The following THSD4 variants were observed in gnomAD, a reference collection of about 807,000 sequenced individuals.
THSD4 encodes thrombospondin type-1 domain-containing protein 4.
Under a neutral mutation model 119.0 loss-of-function variants are expected in THSD4, and 69 were observed. The ratio of observed to expected loss-of-function variants is 0.58; its 90% CI spans 0.48 to 0.71. THSD4 has a LOEUF of 0.71. Ranked by LOEUF, THSD4 falls within the 30% of genes least tolerant of loss-of-function variation. THSD4 has a pLI of 0.00. For synonymous variants in THSD4, 524 were observed against 540.4 expected (o/e 0.97, Z 0.42); for missense variants, 1,393 against 1,391.1 (o/e 1.00, Z -0.02).
intron 7 of THSD4, among the ~76,000 whole-genome samples, chr15:71,538,111 A>C (rs2048710814): frequency 6.6e-6 from 1 of 152,154 alleles, no homozygotes; most frequent in African/African-American, 2.4e-5. Flanking sequence ...GAATTTTAAA[A>C]TATATATACA....
intron 8 of THSD4, among the ~76,000 whole-genome samples, chr15:71,673,646 T>G (rs1320964133): frequency 6.6e-6 from 1 of 152,270 alleles, no homozygotes; most frequent in African/African-American, 2.4e-5. Flanking sequence ...AATTTCCTTC[T>G]GCACACTGCT....
At position 71,783,121 on chromosome 15, in the gene THSD4, T is replaced by C. The variant is rs1219620905; in HGVS notation, c.*5747T>C. On this transcript the variant is annotated 3_prime_UTR_variant, in exon 18 of 18. Transcript: ENST00000261862. ...AATACTCCGTCACCTCCATGTCCCC[T>C]CTACAGTGTTAAATTATTACATAAG... 2 of 152,248 alleles carry C rather than the reference T, an allele frequency of 1.3e-5. No homozygotes were observed. Among genetic ancestry groups the C allele is most frequent in the Non-Finnish European group, 2.9e-5 (2 of 68,050 alleles). The allele number at this position is 152,248 out of a possible 1,614,324, so 9.4% of individuals were successfully genotyped here.
At chr15:71,308,593 C>T (rs2045066862) in intron 6 of THSD4, among the ~76,000 whole-genome samples, 1 of 152,132 alleles carries the variant, frequency 6.6e-6, no homozygotes, top group Non-Finnish European at 1.5e-5. Flanking sequence ...TCAGTTCTTC[C>T]TTCATTTTAA....
chr15:71,272,712 A>G (rs1346759868), intron 6 of THSD4, among the ~76,000 whole-genome samples: 4 of 151,936 alleles, frequency 2.6e-5, no homozygotes, highest in African/African-American at 9.7e-5. Flanking sequence ...AACACACAAA[A>G]AATTAGCCAG....
chr15:71,570,705 C>T (rs941964421), intron 7 of THSD4, among the ~76,000 whole-genome samples: 1 of 152,176 alleles, frequency 6.6e-6, no homozygotes, highest in Admixed American at 6.5e-5. Flanking sequence ...TGAGTTTGTT[C>T]AGGTGAGTTG....
intron 1 of THSD4, among the ~76,000 whole-genome samples, chr15:71,129,033 A>G (rs749793454): frequency 2.6e-4 from 39 of 152,170 alleles, no homozygotes; most frequent in African/African-American, 9.2e-4. Context: ...CAAAGGAAGA[A>G]TTGAGAGTTG....
intron 11 of THSD4, chr15:71,738,248 A>G (rs2053164151): frequency 1.9e-6 from 1 of 526,048 alleles, no homozygotes; most frequent in Non-Finnish European, 3.4e-6. Context: ...TTGCCTGCAC[A>G]GTTCACAATA....
At chr15:71,598,679 G>A (rs1206057092) in intron 7 of THSD4, among the ~76,000 whole-genome samples, 2 of 151,978 alleles carry the variant, frequency 1.3e-5, no homozygotes, top group East Asian at 3.9e-4. Flanking sequence ...TGTGTAGTGC[G>A]AGATCATAGC....
chr15:71,246,886 CTTTTTTTT>C (rs67700872), intron 5 of THSD4, among the ~76,000 whole-genome samples: 4 of 114,512 alleles, frequency 3.5e-5, no homozygotes, highest in Admixed American at 8.8e-5. Context: ...GGTCCAAAGT[CTTTTTTTT>C]TTTTTTTTTT....
chr15:71,675,601 G>A lies in THSD4; in HGVS notation c.1357+14867G>A, dbSNP rs144141201. Among the ~76,000 whole-genome samples, 679 of 152,212 alleles carry A rather than the reference G, an allele frequency of 4.5e-3. 3 individuals are homozygous for A. Among genetic ancestry groups the A allele is most frequent in the African/African-American group, 0.015 (639 of 41,522 alleles). ...TAGCCCCTCTTGATCATGAGACCTC[G>A]CTCGTGGTACTGGAGTCATATTACT... On this transcript the variant is annotated intron_variant, in intron 8 of 17. Coordinates refer to ENST00000261862, the MANE Select transcript of THSD4 (RefSeq NM_024817.3).
At chr15:71,617,653 C>T (rs1314237906) in intron 7 of THSD4, among the ~76,000 whole-genome samples, 3 of 152,176 alleles carry the variant, frequency 2.0e-5, no homozygotes, top group African/African-American at 7.2e-5. Context: ...CAAAGCTGGT[C>T]TTAAAAATAC....
chr15:71,372,728 A>T (rs918430716), intron 6 of THSD4, among the ~76,000 whole-genome samples: 5 of 152,174 alleles, frequency 3.3e-5, no homozygotes. Context: ...GGGGTCAGGG[A>T]CCCACTTGAG....
intron 7 of THSD4, among the ~76,000 whole-genome samples, chr15:71,578,248 G>A (rs1208043244): frequency 2.0e-5 from 3 of 151,338 alleles, no homozygotes; most frequent in African/African-American, 7.3e-5. Flanking sequence ...CATCTTGTAA[G>A]CGGCAGTGTA....
intron 11 of THSD4, among the ~76,000 whole-genome samples, chr15:71,741,437 G>A (rs372269140): frequency 5.9e-5 from 9 of 152,064 alleles, no homozygotes; most frequent in African/African-American, 1.9e-4. Context: ...AGGTTGCAAT[G>A]AGCCAAGATC....
chr15:71,259,300 C>T (rs1333341242), intron 6 of THSD4, among the ~76,000 whole-genome samples: 5 of 151,814 alleles, frequency 3.3e-5, no homozygotes, highest in South Asian at 2.1e-4. Context: ...TCAAAGTGGG[C>T]GTGGTCCTGC....
chr15:71,702,973 C>T (rs1047149126), intron 8 of THSD4, among the ~76,000 whole-genome samples: 1 of 151,904 alleles, frequency 6.6e-6, no homozygotes, highest in Non-Finnish European at 1.5e-5. Flanking sequence ...TGAAAGGTTT[C>T]TGACCCCTGC....
intron 6 of THSD4, among the ~76,000 whole-genome samples, chr15:71,380,082 G>A (rs1289719970): frequency 6.6e-6 from 1 of 152,114 alleles, no homozygotes. Flanking sequence ...CTGAGACTCA[G>A]CTACTTATTA....
intron 7 of THSD4, among the ~76,000 whole-genome samples, chr15:71,428,006 C>T (rs921734807): frequency 3.3e-4 from 50 of 152,198 alleles, no homozygotes; most frequent in African/African-American, 1.1e-3. Context: ...AGGTAGCATT[C>T]CCCCAAAGGG....
At chr15:71,348,616 A>T (rs1192075184) in intron 6 of THSD4, 2 of 152,204 alleles carry the variant, frequency 1.3e-5, no homozygotes, top group South Asian at 2.1e-4. Flanking sequence ...AAGAAGGGAC[A>T]ACTCTCTGTT....
Sources: allele counts gnomAD v4.1 joint callset (sites outside exome capture counted in the v4.1 genomes callset), GRCh38; gene constraint gnomAD v4.1.1; transcripts MANE v1.5; gene names NCBI Gene and HGNC (gene_info 2026-07-23, HGNC 2026-07-21).